MAPKAPK2: variants seen among roughly 807,000 people sequenced by gnomAD.
MAPKAPK2 encodes MAP kinase-activated protein kinase 2.
In MAPKAPK2, 9 loss-of-function variants were observed where a neutral mutation model predicts 48.8. The ratio of observed to expected loss-of-function variants is 0.18; its 90% confidence interval spans 0.11 to 0.32. The LOEUF is 0.32. Ranked by LOEUF, MAPKAPK2 falls within the 10% of genes least tolerant of loss-of-function variation. MAPKAPK2 has a pLI of 1.00. For synonymous variants in MAPKAPK2, 202 were observed against 190.6 expected, an observed-to-expected ratio of 1.06 and a Z score of -0.49; for missense variants, 331 against 498.3, an observed-to-expected ratio of 0.66 and a Z score of 3.20.
chr1:206,731,430 G>A lies in MAPKAPK2; in HGVS notation c.892+168G>A, dbSNP rs1298952232. The A allele has an allele frequency of 3.7e-6, 5 of 1,363,634 alleles. No individual in the cohort carries two copies. The African/African-American group carries it at 7.2e-5, about 20-fold the overall frequency. 84.5% of individuals were successfully genotyped at this position (1,363,634 alleles called of 1,614,324 possible). ...GGGTGCGTCCTGCTTCATTTTGCCTGTGTGGAGGGCTGGAGGCAGGGCCAA... is the reference window on the plus strand; with the variant it reads ...GGGTGCGTCCTGCTTCATTTTGCCTATGTGGAGGGCTGGAGGCAGGGCCAA... On this transcript the variant is annotated intron_variant, in intron 7 of 9. Transcript: ENST00000367103. This position sits in a 1 kb window ranked among gnomAD's most constrained non-coding sequence, Gnocchi z 5.9.
intron 1 of MAPKAPK2, among the ~76,000 whole-genome samples, chr1:206,717,445 A>G (rs1673371434): frequency 6.6e-6 from 1 of 152,140 alleles, no homozygotes; most frequent in Admixed American, 6.5e-5. Flanking sequence ...TCAGTTTCCT[A>G]CCCAAGACTC....
intron 1 of MAPKAPK2, among the ~76,000 whole-genome samples, chr1:206,694,225 T>C (rs530880507): frequency 7.4e-4 from 113 of 152,310 alleles, no homozygotes; most frequent in Non-Finnish European, 1.4e-3. Context: ...TCAGGAATTA[T>C]GGTTTATTTG....
chr1:206,690,215 G>A (rs781903801), intron 1 of MAPKAPK2, among the ~76,000 whole-genome samples: 1 of 152,210 alleles, frequency 6.6e-6, no homozygotes, highest in Non-Finnish European at 1.5e-5. Flanking sequence ...GAATTATGAG[G>A]GAAGGGTCAG....
chr1:206,699,858 C>G (rs531672124), intron 1 of MAPKAPK2, among the ~76,000 whole-genome samples: 7 of 151,992 alleles, frequency 4.6e-5, no homozygotes, highest in Non-Finnish European at 1.0e-4. Context: ...AGCAATGGGT[C>G]GGGTCTGTTT....
intron 1 of MAPKAPK2, among the ~76,000 whole-genome samples, chr1:206,718,270 G>A (rs1402920675): frequency 1.3e-5 from 2 of 152,162 alleles, no homozygotes; most frequent in African/African-American, 2.4e-5. Flanking sequence ...TGTGGCTTAC[G>A]CCTGTAATCC....
chr1:206,734,179 C>T lies in MAPKAPK2; in HGVS notation c.*1461C>T, dbSNP rs577777466. ...GTGTATGGGGGAAGGCGCTGGGTGC[C>T]TGCAGCGCCTCCCTTGTCTCAGATG... On this transcript the variant is annotated 3_prime_UTR_variant, in exon 10 of 10. Transcript: ENST00000367103. 6.5e-6 allele frequency: 1 copy of T among 152,946 alleles called. No homozygotes were observed. Among genetic ancestry groups the T allele is most frequent in the Non-Finnish European group, 1.5e-5 (1 of 68,060 alleles). The allele number at this position is 152,946 out of a possible 1,614,324, so 9.5% of individuals were successfully genotyped here.
chr1:206,716,786 A>AT (rs1673351909), intron 1 of MAPKAPK2, among the ~76,000 whole-genome samples: 1 of 151,446 alleles, frequency 6.6e-6, no homozygotes, highest in Admixed American at 6.6e-5. Flanking sequence ...ATCTCTGTGG[A>AT]TTTTTTAAAG....
intron 1 of MAPKAPK2, among the ~76,000 whole-genome samples, chr1:206,699,259 TG>T (rs1391348739): frequency 1.3e-5 from 2 of 151,856 alleles, no homozygotes; most frequent in South Asian, 2.1e-4. Flanking sequence ...AGGGAGTGGG[TG>T]GGGGTAAGTG....
chr1:206,725,636 A>G (rs1399712500), intron 1 of MAPKAPK2, among the ~76,000 whole-genome samples: 1 of 152,144 alleles, frequency 6.6e-6, no homozygotes, highest in Middle Eastern at 3.2e-3. Context: ...GCAAGAAGAA[A>G]TTGACAAATT....
rs144920912 is a variant in MAPKAPK2 at position 206,715,800 on chromosome 1, A to G, written c.280-12910A>G. On this transcript the variant is annotated intron_variant, in intron 1 of 9. Transcript: ENST00000367103. ...TGCCACCATGCCCTGCTAATTTTTT[A>G]AATTATTCATAGAGACGGGGTCTCC... is the stretch of plus-strand genomic sequence containing the variant. Among the ~76,000 whole-genome samples, 449 of 150,572 alleles carry G rather than the reference A, an allele frequency of 3.0e-3. 4 individuals are homozygous for G. Among genetic ancestry groups the G allele is most frequent in the African/African-American group, 0.01 (423 of 40,970 alleles).
chr1:206,708,757 G>T (rs116857435), intron 1 of MAPKAPK2, among the ~76,000 whole-genome samples: 10 of 152,204 alleles, frequency 6.6e-5, no homozygotes, highest in African/African-American at 1.9e-4. Context: ...TAATTCCCTC[G>T]TGTTGTTTCC....
At chr1:206,722,675 A>G (rs1673561819) in intron 1 of MAPKAPK2, among the ~76,000 whole-genome samples, 1 of 152,222 alleles carries the variant, frequency 6.6e-6, no homozygotes. Context: ...ACGCAGTTCA[A>G]ACCTGGGTTG....
chr1:206,712,233 A>G (rs12129007), intron 1 of MAPKAPK2, among the ~76,000 whole-genome samples: 30,135 of 152,106 alleles, frequency 0.2, 3,119 homozygotes, highest in Middle Eastern at 0.31. Flanking sequence ...TGAGTCAGGT[A>G]CAATTCTAAG....
At chr1:206,687,136 C>T (rs1672310124) in intron 1 of MAPKAPK2, among the ~76,000 whole-genome samples, 1 of 152,156 alleles carries the variant, frequency 6.6e-6, no homozygotes. Flanking sequence ...ACACCATCTG[C>T]CTTCACCCAT....
intron 1 of MAPKAPK2, among the ~76,000 whole-genome samples, chr1:206,694,817 G>A (rs1276394845): frequency 5.9e-5 from 9 of 152,204 alleles, no homozygotes; most frequent in African/African-American, 2.2e-4. Context: ...AGCCCAGCAA[G>A]GGGTCATCCC....
At chr1:206,693,917 G>A (rs766705925) in intron 1 of MAPKAPK2, among the ~76,000 whole-genome samples, 19 of 152,306 alleles carry the variant, frequency 1.2e-4, no homozygotes, top group Non-Finnish European at 2.4e-4. Flanking sequence ...TTCCAGCTCA[G>A]CCACATGCAG....
chr1:206,685,349 G>A lies in MAPKAPK2; in HGVS notation c.120G>A (p.Pro40=), dbSNP rs1672250846. The change falls in exon 1 of 10, where the codon CCG becomes CCA. Residue 40 remains proline (P), a synonymous_variant. Coordinates refer to ENST00000367103, the MANE Select transcript of MAPKAPK2 (RefSeq NM_032960.4). ...CGGCGCAGCCGCCGCCGCCGCCCCC[G>A]CAGCAGTTCCCGCAGTTCCACGTCA... The part of the protein sequence containing the change: ...HPPAQPPPPP[P]QQFPQFHVKS... 2 of 1,269,358 alleles carry A rather than the reference G, an allele frequency of 1.6e-6. No homozygotes were observed. Among genetic ancestry groups the A allele is most frequent in the Non-Finnish European group, 2.1e-6 (2 of 968,800 alleles). 78.6% of individuals were successfully genotyped at this position (1,269,358 alleles called of 1,614,324 possible). A position where few individuals can be genotyped will look rare whatever the true frequency, so the allele number is the denominator to read the frequency against.
rs1674029479 is a variant in MAPKAPK2, at chr1:206,734,015, C to G, written c.*1297C>G. 6.5e-6 allele frequency: 1 copy of G among 152,708 alleles called. No individual in the cohort carries two copies. The highest frequency in any genetic ancestry group is 6.5e-5 in the Admixed American group (1 of 15,286). 9.5% of individuals were successfully genotyped at this position (152,708 alleles called of 1,614,324 possible). ...GTGAGGGGAGGGGCCTCCCCCAGCA[C>G]AGATGAGGAGCAGCTGGGGTAGGCT... On this transcript the variant is annotated 3_prime_UTR_variant, in exon 10 of 10. Coordinates refer to ENST00000367103, the MANE Select transcript of MAPKAPK2 (RefSeq NM_032960.4).
Position 206,685,325 on chromosome 1 carries a change from G to A in MAPKAPK2, c.96G>A (p.Pro32=). 2 of 597,658 alleles carry A rather than the reference G, an allele frequency of 3.3e-6. No homozygotes were observed. Among genetic ancestry groups the A allele is most frequent in the Non-Finnish European group, 4.9e-6 (2 of 407,418 alleles). The allele number at this position is 597,658 out of a possible 1,614,324, so 37.0% of individuals were successfully genotyped here. A position where few individuals can be genotyped will look rare whatever the true frequency, so the allele number is the denominator to read the frequency against. Residue 32 remains proline, a synonymous_variant, in exon 1 of 10, where the codon CCG becomes CCA. Transcript: ENST00000367103. ...QPPTPALPHP[P]AQPPPPPPQQ... Reference sequence around the variant, plus strand: ...CCACCCCTGCCCTGCCGCACCCCCCGGCGCAGCCGCCGCCGCCGCCCCCGC... The same window carrying A: ...CCACCCCTGCCCTGCCGCACCCCCCAGCGCAGCCGCCGCCGCCGCCCCCGC...
Sources: gnomAD v4.1 joint callset for allele counts (sites outside exome capture counted in the v4.1 genomes callset) on GRCh38, gnomAD v4.1.1 for gene constraint, Gnocchi (gnomAD v3.1) non-coding constraint, MANE v1.5 for transcripts, NCBI Gene and HGNC (gene_info 2026-07-23, HGNC 2026-07-21) for gene names.